The following TANGO2 variants were observed in gnomAD, a reference collection of about 807,000 sequenced individuals.
The protein encoded by TANGO2 is transport and golgi organization 2 homolog.
TANGO2 carries 26 observed loss-of-function variants against 39.1 expected under a neutral mutation model. The observed-to-expected ratio is 0.67, with a 90% confidence interval of 0.49 to 0.92. The LOEUF is 0.92. Ranked by LOEUF, TANGO2 falls within the 40% of genes least tolerant of loss-of-function variation. TANGO2 has a pLI of 0.00. For missense variants in TANGO2, 326 were observed against 360.1 expected (o/e 0.91, Z 0.77); for synonymous variants, 131 against 144.5 (o/e 0.91, Z 0.67).
chr22:20,049,003 G>A (rs189398399), intron 3 of TANGO2, among the ~76,000 whole-genome samples: 2 of 152,052 alleles, frequency 1.3e-5, no homozygotes, highest in African/African-American at 2.4e-5. Context: ...TGTTCTTTTT[G>A]TGCCTTATCC....
intron 2 of TANGO2, among the ~76,000 whole-genome samples, chr22:20,041,805 G>A (rs879464823): frequency 2.0e-5 from 3 of 152,162 alleles, no homozygotes; most frequent in Non-Finnish European, 4.4e-5. Flanking sequence ...TTAATCAGGA[G>A]CAAATGTTGT....
At chr22:20,030,054 G>A (rs1001880953) in intron 1 of TANGO2, among the ~76,000 whole-genome samples, 1 of 151,780 alleles carries the variant, frequency 6.6e-6, no homozygotes, top group Non-Finnish European at 1.5e-5. Context: ...CAGCCGCTCC[G>A]TATGACCAGA....
At chr22:20,035,937 C>T (rs2042760842) in intron 1 of TANGO2, among the ~76,000 whole-genome samples, 1 of 152,162 alleles carries the variant, frequency 6.6e-6, no homozygotes, top group African/African-American at 2.4e-5. Context: ...GCTTGGATAG[C>T]TGATGTGTGC....
intron 3 of TANGO2, among the ~76,000 whole-genome samples, chr22:20,047,302 C>A (rs1277695369): frequency 2.0e-5 from 3 of 149,230 alleles, no homozygotes; most frequent in African/African-American, 7.4e-5. Flanking sequence ...GGCACGATCT[C>A]GGCTCACCAC....
intron 7 of TANGO2, among the ~76,000 whole-genome samples, chr22:20,062,689 G>C (rs1245818694): frequency 6.6e-6 from 1 of 152,136 alleles, no homozygotes; most frequent in Non-Finnish European, 1.5e-5. Flanking sequence ...GGCTTGAGTG[G>C]ACTTCTGTCA....
chr22:20,048,304 G>A (rs1439113251), intron 3 of TANGO2: 1 of 152,178 alleles, frequency 6.6e-6, no homozygotes, highest in African/African-American at 2.4e-5. Flanking sequence ...AGAAGGACAT[G>A]TTTGCTTCCC....
intron 2 of TANGO2, chr22:20,037,101 C>G: frequency 6.6e-7 from 1 of 1,520,174 alleles, no homozygotes; most frequent in Non-Finnish European, 8.8e-7. Context: ...ACAGGTAGGA[C>G]AGAGGAGTGA....
rs768188791 is a variant in TANGO2, at chr22:20,043,418, G to A, written c.120G>A (p.Trp40Ter). The change falls in exon 3 of 9, where the codon TGG (tryptophan) becomes TGA (stop). Residue 40 changes from tryptophan (W) to a stop codon, truncating the protein, a stop_gained. Transcript: ENST00000327374. LOFTEE classifies it high-confidence loss of function. Reference protein sequence around the residue: ...YSRPSKLADFWGNNNEILSGL... With the variant: ...YSRPSKLADF ...GACCCTCCAAGTTAGCTGACTTCTGGGGGAACAACAACGAGATCCTCAGTG... is the reference window on the plus strand; with the variant it reads ...GACCCTCCAAGTTAGCTGACTTCTGAGGGAACAACAACGAGATCCTCAGTG... The A allele has an allele frequency of 1.2e-6, 2 of 1,613,346 alleles. No homozygotes were observed. Among genetic ancestry groups the A allele is most frequent in the South Asian group, 1.1e-5 (1 of 91,022 alleles).
intron 2 of TANGO2, among the ~76,000 whole-genome samples, chr22:20,041,072 C>T (rs1186462394): frequency 6.6e-6 from 1 of 152,220 alleles, no homozygotes; most frequent in Non-Finnish European, 1.5e-5. Context: ...GCTTCAGGGG[C>T]AGGCACTGAG....
intron 3 of TANGO2, 54 bp from the exon 4 acceptor site, chr22:20,052,411 G>C: frequency 6.4e-7 from 1 of 1,558,096 alleles, no homozygotes; most frequent in East Asian, 2.4e-5. Flanking sequence ...TGGGAACCAG[G>C]TGGGGGACTG....
At chr22:20,059,021 CTA>C (rs1345433997) in intron 6 of TANGO2, among the ~76,000 whole-genome samples, 1 of 152,166 alleles carries the variant, frequency 6.6e-6, no homozygotes, top group African/African-American at 2.4e-5. Context: ...AGTGCAGCCT[CTA>C]TGAACTGCTG....
chr22:20,043,280 T>TTGTG, intron 2 of TANGO2, 75 bp from the exon 3 acceptor site: 1 of 1,140,994 alleles, frequency 8.8e-7, no homozygotes, highest in South Asian at 1.3e-5. Flanking sequence ...GAGGCCAGTT[T>TTGTG]TGTGTGTGAA....
chr22:20,058,736 G>A (rs2047840889), intron 6 of TANGO2, among the ~76,000 whole-genome samples: 1 of 152,114 alleles, frequency 6.6e-6, no homozygotes, highest in Non-Finnish European at 1.5e-5. Context: ...CCGGAAGAGA[G>A]AGTCTCTAGC....
intron 2 of TANGO2, among the ~76,000 whole-genome samples, chr22:20,037,961 C>T (rs912430355): frequency 4.6e-5 from 7 of 152,082 alleles, no homozygotes; most frequent in South Asian, 2.1e-4. Context: ...TGGGGGTGGG[C>T]GCCTGTAGTC....
At chr22:20,049,852 G>A (rs1021820285) in intron 3 of TANGO2, among the ~76,000 whole-genome samples, 1 of 152,140 alleles carries the variant, frequency 6.6e-6, no homozygotes, top group Non-Finnish European at 1.5e-5. Flanking sequence ...GTGGGGAGAA[G>A]TGTCACCTTA....
At chr22:20,063,484 C>G in intron 8 of TANGO2, 42 bp downstream of exon 8, 1 of 1,550,694 alleles carries the variant, frequency 6.4e-7, no homozygotes, top group Non-Finnish European at 8.8e-7. Flanking sequence ...ATCCCATGTC[C>G]CACCTCCCAC....
chr22:20,029,842 A>G (rs1013605060), intron 1 of TANGO2, among the ~76,000 whole-genome samples: 4 of 152,194 alleles, frequency 2.6e-5, no homozygotes, highest in Non-Finnish European at 5.9e-5. Flanking sequence ...GGCTGCAGGG[A>G]GGCAGGGTGC....
At chr22:20,056,814 C>T (rs770072204) in intron 6 of TANGO2, 2 of 456,712 alleles carry the variant, frequency 4.4e-6, no homozygotes, top group South Asian at 3.1e-5. Flanking sequence ...TGCTGGCTCA[C>T]TCACTCCCAC....
intron 1 of TANGO2, among the ~76,000 whole-genome samples, chr22:20,032,409 A>G (rs2042041796): frequency 6.6e-6 from 1 of 152,222 alleles, no homozygotes; most frequent in Admixed American, 6.5e-5. Flanking sequence ...CTTCCTGCAG[A>G]TGTTCAGATG....
Sources: gnomAD v4.1 joint callset for allele counts (sites outside exome capture counted in the v4.1 genomes callset) on GRCh38, gnomAD v4.1.1 for gene constraint, MANE v1.5 for transcripts, NCBI Gene and HGNC (gene_info 2026-07-23, HGNC 2026-07-21) for gene names.